Variants in WWOX observed in about 807,000 individuals in gnomAD.
WWOX encodes the protein WW domain-containing oxidoreductase.
Under a neutral mutation model 46.2 loss-of-function variants are expected in WWOX, and 69 were observed. The ratio of observed to expected loss-of-function variants is 1.49; its 90% CI spans 1.23 to 1.82. The LOEUF (loss-of-function observed/expected upper bound fraction) is 1.82, where lower values mean the gene tolerates loss of function less well. Ranked by LOEUF, WWOX falls within the 40% of genes most tolerant of loss-of-function variation. WWOX has a pLI of 0.00. For synonymous variants in WWOX, 359 were observed against 202.6 expected (o/e 1.77, Z -6.56); for missense variants, 919 against 542.6 (o/e 1.69, Z -6.89).
intron 8 of WWOX, among the ~76,000 whole-genome samples, chr16:78,971,359 G>T (rs1045681291): frequency 6.6e-6 from 1 of 150,920 alleles, no homozygotes; most frequent in Admixed American, 6.6e-5. Flanking sequence ...GAAGGCTGAG[G>T]CGGGAGAATC....
chr16:78,209,274 C>G lies in WWOX; in HGVS notation c.516+44985C>G, dbSNP rs552522942. On this transcript the variant is annotated intron_variant, in intron 5 of 8. Coordinates refer to ENST00000566780, the MANE Select transcript of WWOX (RefSeq NM_016373.4). The stretch of plus-strand genomic sequence containing the variant: ...CAAGGAGCTCTGCAGCCCGAAAAGA[C>G]CAACTGGAATGATTTGATCAGAAAG... Among the ~76,000 whole-genome samples the G allele has an allele frequency of 4.2e-4, 64 of 152,222 alleles. No individual in the cohort carries two copies. In the East Asian group the frequency reaches 0.011, roughly 26 times the overall value.
intron 8 of WWOX, among the ~76,000 whole-genome samples, chr16:79,011,865 G>A (rs1228396321): frequency 6.6e-6 from 1 of 152,008 alleles, no homozygotes; most frequent in East Asian, 1.9e-4. Flanking sequence ...TGTTCTTCAG[G>A]CTAGTCTTGA....
intron 8 of WWOX, among the ~76,000 whole-genome samples, chr16:78,691,472 T>G (rs1007978842): frequency 3.0e-4 from 46 of 152,136 alleles, no homozygotes; most frequent in African/African-American, 1.0e-3. Context: ...TGAAGTAGGC[T>G]GAAGTGGGAG....
chr16:78,977,588 T>G (rs1415499570), intron 8 of WWOX, among the ~76,000 whole-genome samples: 2 of 152,164 alleles, frequency 1.3e-5, no homozygotes, highest in Admixed American at 6.5e-5. Flanking sequence ...CTATAAAATT[T>G]TTGTTGTTAC....
intron 8 of WWOX, among the ~76,000 whole-genome samples, chr16:78,481,303 A>T (rs759348215): frequency 6.6e-6 from 1 of 151,904 alleles, no homozygotes; most frequent in Non-Finnish European, 1.5e-5. Context: ...TTTTAAAAAG[A>T]CTCTGTGGCC....
At chr16:78,534,268 A>G (rs1212196385) in intron 8 of WWOX, 2 of 152,250 alleles carry the variant, frequency 1.3e-5, no homozygotes, top group Non-Finnish European at 1.5e-5. Flanking sequence ...TGTGAAGAAT[A>G]TATCATCCAG....
chr16:78,849,306 C>T (rs1032327969), intron 8 of WWOX, among the ~76,000 whole-genome samples: 1 of 152,130 alleles, frequency 6.6e-6, no homozygotes, highest in Non-Finnish European at 1.5e-5. Context: ...CGCGGTGGCT[C>T]ATGCCTGTAA....
Position 78,115,148 on chromosome 16 carries a change from G to C in WWOX, c.403G>C (p.Gly135Arg). The change falls in exon 4 of 9, where the codon GGA becomes CGA. Residue 135 changes from glycine to arginine, a missense_variant. Gly to Arg is a moderately radical substitution (Grantham distance 125). Transcript: ENST00000566780. ...GGTTGTGGTCACTGGAGCTAATTCA[G>C]GAATAGGTAGGCTCTTCACTTAGTT... ...KVVVVTGANS[G>R]IGFETAKSFA... The C allele has an allele frequency of 6.2e-7, 1 of 1,614,180 alleles. No individual in the cohort carries two copies.
At chr16:78,880,522 G>A (rs2044321498) in intron 8 of WWOX, among the ~76,000 whole-genome samples, 1 of 152,196 alleles carries the variant, frequency 6.6e-6, no homozygotes, top group Non-Finnish European at 1.5e-5. Flanking sequence ...CGGTAATTAA[G>A]CACATAAGAT....
chr16:78,110,043 A>C (rs572596148), intron 3 of WWOX, among the ~76,000 whole-genome samples: 30 of 148,820 alleles, frequency 2.0e-4, no homozygotes, highest in Admixed American at 4.7e-4. Flanking sequence ...CGCATCCTTA[A>C]AAAAAAAAAG....
chr16:78,994,320 G>C (rs1263846397), intron 8 of WWOX: 3 of 152,128 alleles, frequency 2.0e-5, no homozygotes, highest in Non-Finnish European at 2.9e-5. Context: ...GTCTGAATAT[G>C]AGGAAGTGCC....
At chr16:78,523,982 A>G (rs1037434568) in intron 8 of WWOX, among the ~76,000 whole-genome samples, 8 of 152,214 alleles carry the variant, frequency 5.3e-5, no homozygotes, top group Admixed American at 5.2e-4. Context: ...ATGTGCTACT[A>G]TACAAATACA....
intron 5 of WWOX, among the ~76,000 whole-genome samples, chr16:78,173,661 G>A (rs1227205276): frequency 6.6e-6 from 1 of 152,020 alleles, no homozygotes; most frequent in African/African-American, 2.4e-5. Context: ...TCAGATTCTG[G>A]CACATAGTAA....
At chr16:78,642,196 G>C (rs1272556741) in intron 8 of WWOX, among the ~76,000 whole-genome samples, 2 of 152,134 alleles carry the variant, frequency 1.3e-5, no homozygotes, top group Admixed American at 6.6e-5. Flanking sequence ...GAGATAATTT[G>C]TGAATATCCA....
intron 8 of WWOX, among the ~76,000 whole-genome samples, chr16:78,993,664 C>G (rs898981760): frequency 1.3e-5 from 2 of 152,222 alleles, no homozygotes; most frequent in African/African-American, 4.8e-5. Flanking sequence ...AGTTTTGTCA[C>G]CGGCGGCTTT....
intron 8 of WWOX, among the ~76,000 whole-genome samples, chr16:78,815,677 C>G (rs962346837): frequency 1.3e-5 from 2 of 152,166 alleles, no homozygotes; most frequent in African/African-American, 4.8e-5. Flanking sequence ...GGGTTTTAAT[C>G]CTTCCTTCCC....
intron 8 of WWOX, among the ~76,000 whole-genome samples, chr16:78,953,407 C>T (rs1369549497): frequency 6.6e-6 from 1 of 152,154 alleles, no homozygotes; most frequent in African/African-American, 2.4e-5. Flanking sequence ...ACACAAAATT[C>T]AAACCTAGTC....
rs140607020 is a variant in WWOX, at chr16:78,592,794, G to A, written c.1056+160042G>A. ...CTGGGGTGGCCACTCCACCGTCATCGATGATCCGGGCTCCTTTTCTCTTTC... is the reference window on the plus strand; with the variant it reads ...CTGGGGTGGCCACTCCACCGTCATCAATGATCCGGGCTCCTTTTCTCTTTC... On this transcript the variant is annotated intron_variant, in intron 8 of 8. Transcript: ENST00000566780. Among the ~76,000 whole-genome samples, 132 of 152,294 alleles carry A rather than the reference G, an allele frequency of 8.7e-4. 2 individuals carry two copies. The East Asian group carries it at 9.1e-3, about 10-fold the overall frequency.
chr16:78,519,408 C>T (rs978023451), intron 8 of WWOX, among the ~76,000 whole-genome samples: 1 of 152,012 alleles, frequency 6.6e-6, no homozygotes, highest in Admixed American at 6.6e-5. Context: ...CACGTCAGAC[C>T]TTTCCATGGA....
Sources: allele counts gnomAD v4.1 joint callset (sites outside exome capture counted in the v4.1 genomes callset), GRCh38; gene constraint gnomAD v4.1.1; transcripts MANE v1.5; gene names NCBI Gene and HGNC (gene_info 2026-07-23, HGNC 2026-07-21).